Variants in TET3 observed in about 807,000 individuals in gnomAD.
The protein encoded by TET3 is methylcytosine dioxygenase TET3.
Under a neutral mutation model 141.4 loss-of-function variants are expected in TET3, and 19 were observed. The ratio of observed to expected loss-of-function variants is 0.13; its 90% CI spans 0.09 to 0.20. The LOEUF is 0.20. Ranked by LOEUF, TET3 falls within the 10% of genes least tolerant of loss-of-function variation. The probability of loss-of-function intolerance (pLI) is 1.00; values close to 1 mark genes in which losing one functional copy is unlikely to be tolerated. For synonymous variants in TET3, 1,043 were observed against 980.9 expected (o/e 1.06, Z -1.18); for missense variants, 1,874 against 2,356.9 (o/e 0.80, Z 4.24).
At chr2:74,035,456 T>TC (rs1457270132) in intron 3 of TET3, among the ~76,000 whole-genome samples, 1 of 132,888 alleles carries the variant, frequency 7.5e-6, no homozygotes, top group Admixed American at 8.0e-5. Context: ...AGAGCAAGAC[T>TC]CCATCTCAAA....
rs755677055 is a variant in TET3 at position 74,071,351 on chromosome 2, C to A, written c.2495-2198C>A. Among the ~76,000 whole-genome samples the A allele has an allele frequency of 8.5e-5, 13 of 152,186 alleles. 1 individual carries two copies. In the South Asian group the frequency reaches 1.2e-3, roughly 15 times the overall value. On this transcript the variant is annotated intron_variant, in intron 4 of 11. Coordinates refer to ENST00000409262, the MANE Select transcript of TET3 (RefSeq NM_001287491.2). The stretch of plus-strand genomic sequence containing the variant: ...AGGCTGTCTACAGCTTTGACTCTTG[C>A]AGACAGTGTTGCTGTGAAAATCTTT...
chr2:74,129,284 C>T, the TET3 span, among the ~76,000 whole-genome samples: 5 of 124,962 alleles, frequency 4.0e-5, no homozygotes, highest in Non-Finnish European at 6.4e-5. Context: ...CCATTGCACT[C>T]CAGCCTGGAC....
chr2:74,119,157 AC>A, the TET3 span, among the ~76,000 whole-genome samples: 2 of 152,090 alleles, frequency 1.3e-5, no homozygotes, highest in Non-Finnish European at 2.9e-5. Context: ...GTTTGAGACC[AC>A]CCTGGCCAAC....
rs537681552 is a variant in TET3 at position 74,093,762 on chromosome 2, G to C, written c.3267+96G>C. On this transcript the variant is annotated intron_variant, in intron 10 of 11. Coordinates refer to ENST00000409262, the MANE Select transcript of TET3 (RefSeq NM_001287491.2). The surrounding 1 kb of genome is among the most constrained non-coding windows in gnomAD (Gnocchi z 4.2). ...GAAAGGCAGGCTGAGGGTAGGGAGG[G>C]ACCTGGAGACAGGATCCTCAGAACT... 5.3e-4 allele frequency: 732 copies of C among 1,390,334 alleles called. 3 individuals carry two copies. In the African/African-American group the frequency reaches 9.5e-3, roughly 18 times the overall value. 86.1% of individuals were successfully genotyped at this position (1,390,334 alleles called of 1,614,324 possible).
intron 4 of TET3, among the ~76,000 whole-genome samples, chr2:74,061,270 G>T (rs1688527154): frequency 6.8e-6 from 1 of 147,276 alleles, no homozygotes; most frequent in Admixed American, 6.7e-5. Context: ...CTCCCGGATG[G>T]GGCGGCTGGC....
Position 73,986,540 on chromosome 2 carries a change from G to A in TET3, c.137G>A (p.Gly46Glu), listed in dbSNP as rs1378892228. 8.1e-7 allele frequency: 1 copy of A among 1,232,124 alleles called. No homozygotes were observed. Among genetic ancestry groups the A allele is most frequent in the South Asian group, 4.1e-5 (1 of 24,328 alleles). The allele number at this position is 1,232,124 out of a possible 1,614,324, so 76.3% of individuals were successfully genotyped here. A position where few individuals can be genotyped will look rare whatever the true frequency, so the allele number is the denominator to read the frequency against. ...SMAGSESQLR[G>E]GGDGRKKRKR... Reference sequence around the variant, plus strand: ...GCTGGGAGTGAGTCCCAACTCCGAGGGGGTGGAGATGGTCGAAAGAAACGG... The same window carrying A: ...GCTGGGAGTGAGTCCCAACTCCGAGAGGGTGGAGATGGTCGAAAGAAACGG... Residue 46 changes from glycine to glutamate, a missense_variant, in exon 2 of 12, where the codon GGG becomes GAG. Around this residue, in one of 10 missense-constraint regions of TET3, gnomAD observed 366 missense variants for 487.0 expected, o/e 0.75. Coordinates refer to ENST00000409262, the MANE Select transcript of TET3 (RefSeq NM_001287491.2).
chr2:74,020,043 T>C (rs1685951739), intron 3 of TET3, among the ~76,000 whole-genome samples: 1 of 152,232 alleles, frequency 6.6e-6, no homozygotes, highest in Non-Finnish European at 1.5e-5. Context: ...TTCACACCTA[T>C]GTGCCCAGTC....
chr2:74,020,379 C>T (rs1685970553), intron 3 of TET3, among the ~76,000 whole-genome samples: 1 of 152,180 alleles, frequency 6.6e-6, no homozygotes, highest in Non-Finnish European at 1.5e-5. Flanking sequence ...GATGGGGTTT[C>T]ACCATATTGC....
chr2:74,096,592 C>G (rs1234987244), intron 10 of TET3, among the ~76,000 whole-genome samples: 1 of 150,990 alleles, frequency 6.6e-6, no homozygotes, highest in South Asian at 2.1e-4. Context: ...CATAGTGAAA[C>G]CCCGTTTCTT....
chr2:74,010,502 G>A (rs752764651), intron 3 of TET3, among the ~76,000 whole-genome samples: 21 of 152,206 alleles, frequency 1.4e-4, no homozygotes, highest in Non-Finnish European at 1.5e-4. Flanking sequence ...CTGGTTCAAC[G>A]AGTTTGGTGG....
chr2:74,001,278 T>C (rs547398272), intron 2 of TET3, among the ~76,000 whole-genome samples: 56 of 152,124 alleles, frequency 3.7e-4, no homozygotes, highest in Admixed American at 6.5e-4. Context: ...GGACAGCAAT[T>C]AGGCATCTGT....
At chr2:74,043,208 C>T (rs1687436434) in intron 3 of TET3, among the ~76,000 whole-genome samples, 1 of 152,204 alleles carries the variant, frequency 6.6e-6, no homozygotes, top group African/African-American at 2.4e-5. Context: ...ATTGTATAGC[C>T]TTGTTAGCCA....
the TET3 span, among the ~76,000 whole-genome samples, chr2:74,122,806 C>A: frequency 6.6e-6 from 1 of 150,964 alleles, no homozygotes. Flanking sequence ...GATCGGCCTG[C>A]CTCAGCCTCC....
At chr2:74,043,951 G>T (rs1037328345) in intron 3 of TET3, among the ~76,000 whole-genome samples, 1 of 152,160 alleles carries the variant, frequency 6.6e-6, no homozygotes, top group African/African-American at 2.4e-5. Flanking sequence ...TTTGAGGCCA[G>T]AAGTTAGAGA....
chr2:74,014,023 C>G (rs947599166), intron 3 of TET3, among the ~76,000 whole-genome samples: 5 of 151,804 alleles, frequency 3.3e-5, no homozygotes, highest in African/African-American at 1.2e-4. Flanking sequence ...TAACTTTCTT[C>G]ATTTCTAACA....
chr2:74,109,479 T>A (rs1691650608), downstream of TET3, among the ~76,000 whole-genome samples: 1 of 152,230 alleles, frequency 6.6e-6, no homozygotes, highest in South Asian at 2.1e-4. Context: ...CCTAGCAATG[T>A]TTTTAGTATG....
chr2:74,115,913 G>T, the TET3 span, among the ~76,000 whole-genome samples: 31,408 of 151,090 alleles, frequency 0.21, 3,865 homozygotes, highest in East Asian at 0.49. Context: ...TACTTAGGAG[G>T]CAGAGGTGGG....
the TET3 span, among the ~76,000 whole-genome samples, chr2:74,123,483 T>C: frequency 0.22 from 33,543 of 152,008 alleles, 4,265 homozygotes; most frequent in East Asian, 0.49. Context: ...ACCCGGCCTG[T>C]GGGCGGAACC....
the TET3 span, among the ~76,000 whole-genome samples, chr2:74,128,992 TAAAAA>T: frequency 3.2e-3 from 247 of 77,926 alleles, 1 homozygote; most frequent in African/African-American, 0.014. Context: ...TGTCTCAATT[TAAAAA>T]AAAAAAAAAA....
Sources: allele counts gnomAD v4.1 joint callset (sites outside exome capture counted in the v4.1 genomes callset), GRCh38; gene constraint gnomAD v4.1.1; regional missense constraint gnomAD v4.1.1; non-coding constraint Gnocchi (gnomAD v3.1); transcripts MANE v1.5; gene names NCBI Gene and HGNC (gene_info 2026-07-23, HGNC 2026-07-21).